The following E2F1 variants were observed in gnomAD, a reference collection of about 807,000 sequenced individuals.
The protein encoded by E2F1 is transcription factor E2F1.
In E2F1, 7 loss-of-function variants were observed where a neutral mutation model predicts 36.9. The ratio of observed to expected loss-of-function variants is 0.19; its 90% CI spans 0.11 to 0.36. The LOEUF is 0.36. Among genes scored for constraint, E2F1 ranks in the 10% least tolerant of loss-of-function variants. The pLI, the probability that E2F1 is intolerant of heterozygous loss-of-function variation, is 1.00. For missense variants in E2F1, 406 were observed against 573.6 expected (o/e 0.71, Z 2.99); for synonymous variants, 261 against 263.1 (o/e 0.99, Z 0.08).
Position 33,678,285 on chromosome 20 carries a change from T to C in E2F1, c.641A>G (p.Gln214Arg). The change falls in exon 4 of 7, where the codon CAG becomes CGG. Residue 214 changes from glutamine (Q) to arginine (R), a missense_variant. Physicochemically the swap from Gln to Arg is conservative, Grantham distance 43. Coordinates refer to ENST00000343380, the MANE Select transcript of E2F1 (RefSeq NM_005225.3). Reference sequence around the variant, plus strand: ...GTGGTCCAGCTGCTGCTCGCTCTCCTGCAGCTGTCGGAGGTCCTGGGTCAA... The same window carrying C: ...GTGGTCCAGCTGCTGCTCGCTCTCCCGCAGCTGTCGGAGGTCCTGGGTCAA... ...EGLTQDLRQL[Q>R]ESEQQLDHLM... The C allele has an allele frequency of 6.2e-7, 1 of 1,613,150 alleles. No homozygotes were observed. Among genetic ancestry groups the C allele is most frequent in the Non-Finnish European group, 8.5e-7 (1 of 1,180,004 alleles).
At chr20:33,680,455 G>C (rs765849030) in intron 1 of E2F1, 39 bp from the exon 2 acceptor site, 1 of 1,587,844 alleles carries the variant, frequency 6.3e-7, no homozygotes, top group Non-Finnish European at 8.6e-7. Context: ...AACCAGGAGT[G>C]AGGCCAGAAG....
In E2F1 at chr20:33,676,891, C is replaced by T; in HGVS notation, c.1155G>A (p.Glu385=). The change falls in exon 7 of 7, where the codon GAG becomes GAA. Residue 385 remains glutamate, a synonymous_variant. Transcript: ENST00000343380. The part of the protein sequence containing the change: ...SPLVAADSLL[E]HVREDFSGLL... ...GGCCGGAGAAGTCCTCCCGCACATGCTCCAGGAGCGAGTCGGCCGCCACCA... is the reference window on the plus strand; with the variant it reads ...GGCCGGAGAAGTCCTCCCGCACATGTTCCAGGAGCGAGTCGGCCGCCACCA... The T allele has an allele frequency of 6.4e-7, 1 of 1,573,996 alleles. No homozygotes were observed. Among genetic ancestry groups the T allele is most frequent in the Non-Finnish European group, 8.6e-7 (1 of 1,158,664 alleles).
rs3213173 is a variant in E2F1, at chr20:33,677,440, C to T, written c.826G>A (p.Val276Met). Residue 276 changes from valine to methionine, a missense_variant, in exon 5 of 7, where the codon GTG becomes ATG. By Grantham distance (21) the Val-to-Met change is conservative. Coordinates refer to ENST00000343380, the MANE Select transcript of E2F1 (RefSeq NM_005225.3). ...KAPPETQLQA[V>M]DSSENFQISL... Reference sequence around the variant, plus strand: ...CCAGATCTCACCTCCGAAGAGTCCACGGCTTGGAGCTGGGTCTCAGGAGGG... The same window carrying T: ...CCAGATCTCACCTCCGAAGAGTCCATGGCTTGGAGCTGGGTCTCAGGAGGG... 1,517 of 1,614,044 alleles carry T rather than the reference C, an allele frequency of 9.4e-4. 16 individuals are homozygous for T. In the African/African-American group the frequency reaches 0.018, roughly 19 times the overall value.
chr20:33,677,512 G>A lies in E2F1; in HGVS notation c.754C>T (p.Arg252Cys). The A allele has an allele frequency of 2.5e-6, 4 of 1,614,084 alleles. No homozygotes were observed. The highest frequency in any genetic ancestry group is 2.2e-5 in the East Asian group (1 of 44,874). Reference sequence around the variant, plus strand: ...TGCTCTGCAGGGTCTGCAATGCTACGAAGGTCCTGACACGTCACGTAGGCC... The same window carrying A: ...TGCTCTGCAGGGTCTGCAATGCTACAAAGGTCCTGACACGTCACGTAGGCC... ...RLAYVTCQDLRSIADPAEQMV... is the reference protein window; with the variant it reads ...RLAYVTCQDLCSIADPAEQMV... The change falls in exon 5 of 7, where the codon CGT becomes TGT. Residue 252 changes from arginine to cysteine, a missense_variant. Physicochemically the swap from Arg to Cys is radical, Grantham distance 180 (BLOSUM62 -3). This residue lies in a region of E2F1 where 93 missense variants were observed against 143.3 expected (regional missense o/e 0.65). Transcript: ENST00000343380.
intron 1 of E2F1, among the ~76,000 whole-genome samples, chr20:33,683,952 G>C (rs1380739935): frequency 6.6e-6 from 1 of 152,162 alleles, no homozygotes; most frequent in Admixed American, 6.5e-5. Context: ...TTATTTCAAG[G>C]ACTGTGCCAG....
At position 33,684,636 on chromosome 20, in the gene E2F1, TAAGTA is replaced by T. The variant is rs376439517; in HGVS notation, c.261+1363_261+1367del. 1.7e-3 allele frequency among the ~76,000 whole-genome samples: 263 copies of T among 152,258 alleles called. 3 individuals are homozygous for T. Among genetic ancestry groups the T allele is most frequent in the African/African-American group, 6.1e-3 (255 of 41,540 alleles). On this transcript the variant is annotated intron_variant, in intron 1 of 6. Transcript: ENST00000343380. ...TGCTGATGGGGTTAAATGAGTTAAT[TAAGTA>T]AAGCGCTTGGCACAGAGCCTGGCAC...
In E2F1 at chr20:33,680,312, A is replaced by G. The variant is rs781308163; in HGVS notation, c.352+14T>C. 1 of 1,613,786 alleles carries G rather than the reference A, an allele frequency of 6.2e-7. No individual in the cohort carries two copies. Among genetic ancestry groups the G allele is most frequent in the Non-Finnish European group, 8.5e-7 (1 of 1,179,716 alleles). Reference sequence around the variant, plus strand: ...GGTCACAGGGGGTCTGCCCAGCCCAAGCTCCATAGGTACCTTTTCCTGGAT... The same window carrying G: ...GGTCACAGGGGGTCTGCCCAGCCCAGGCTCCATAGGTACCTTTTCCTGGAT... On this transcript the variant is annotated intron_variant, in intron 2 of 6. Transcript: ENST00000343380.
At chr20:33,677,019 G>A (rs761517377) in intron 6 of E2F1, 40 bp from the exon 7 acceptor site, 3 of 1,559,198 alleles carry the variant, frequency 1.9e-6, no homozygotes. Flanking sequence ...GGATGCCCCA[G>A]CAGGGAGGAA....
chr20:33,677,580 G>C, intron 4 of E2F1, 40 bp from the exon 5 acceptor site: 1 of 1,517,770 alleles, frequency 6.6e-7, no homozygotes, highest in Admixed American at 1.7e-5. Flanking sequence ...TGACTTCTAG[G>C]GGGTCACTCA....
chr20:33,682,697 C>T (rs1030660881), intron 1 of E2F1, among the ~76,000 whole-genome samples: 2 of 152,170 alleles, frequency 1.3e-5, no homozygotes, highest in Non-Finnish European at 2.9e-5. Flanking sequence ...GGCCCCGAAA[C>T]GCAGGGGTGA....
At position 33,676,131 on chromosome 20, in the gene E2F1, C is replaced by G. The variant is rs2017949784; in HGVS notation, c.*601G>C. 6.5e-6 allele frequency: 1 copy of G among 152,802 alleles called. No homozygotes were observed. Among genetic ancestry groups the G allele is most frequent in the Admixed American group, 6.5e-5 (1 of 15,294 alleles). The allele number at this position is 152,802 out of a possible 1,614,324, so 9.5% of individuals were successfully genotyped here. ...AACCCCACACCCCTCCTCCCCTTTG[C>G]TGATTCCCCAGGCTCACCAAAGAGG... is the stretch of plus-strand genomic sequence containing the variant. On this transcript the variant is annotated 3_prime_UTR_variant, in exon 7 of 7. Transcript: ENST00000343380.
chr20:33,686,295 A>AGGC lies in E2F1; in HGVS notation c.-34_-32dup, dbSNP rs1250547418. On this transcript the variant is annotated 5_prime_UTR_variant, in exon 1 of 7. Coordinates refer to ENST00000343380, the MANE Select transcript of E2F1 (RefSeq NM_005225.3). ...TCACGGCCCGCGCGGCCCGGGTGAC[A>AGGC]GGCGGCGGCGGCGGCGCGGGCCCAT... 1.1e-5 allele frequency: 11 copies of AGGC among 997,762 alleles called. No homozygotes were observed. The highest frequency in any genetic ancestry group is 9.0e-5 in the South Asian group (2 of 22,102). 61.8% of individuals were successfully genotyped at this position (997,762 alleles called of 1,614,324 possible). A position where few individuals can be genotyped will look rare whatever the true frequency, so the allele number is the denominator to read the frequency against.
chr20:33,677,112 C>G lies in E2F1; in HGVS notation c.1059G>C (p.Leu353=), dbSNP rs2017971262. 3.1e-6 allele frequency: 5 copies of G among 1,612,478 alleles called. No individual in the cohort carries two copies. The highest frequency in any genetic ancestry group is 4.2e-6 in the Non-Finnish European group (5 of 1,178,982). ...TTDPSQSLLS[L]EQEPLLSRMG... ...CACCTACCCATCACCCACCTTGCTC[C>G]AGGCTGAGTAGAGACTGGCTGGGAT... The change falls in exon 6 of 7, where the codon CTG becomes CTC. Residue 353 remains leucine, a synonymous_variant. Transcript: ENST00000343380.
At chr20:33,684,372 G>A (rs1480295726) in intron 1 of E2F1, among the ~76,000 whole-genome samples, 1 of 152,186 alleles carries the variant, frequency 6.6e-6, no homozygotes, top group Non-Finnish European at 1.5e-5. Context: ...GAGTACAGGA[G>A]ACAGGCCACC....
chr20:33,683,413 T>C (rs529104352), intron 1 of E2F1, among the ~76,000 whole-genome samples: 1 of 141,974 alleles, frequency 7.0e-6, no homozygotes, highest in South Asian at 2.2e-4. Flanking sequence ...ATGGCGCCAC[T>C]GTACTCCAAC....
intron 1 of E2F1, 105 bp downstream of exon 1, chr20:33,685,899 C>T: frequency 9.9e-7 from 1 of 1,008,080 alleles, no homozygotes; most frequent in Non-Finnish European, 1.2e-6. Context: ...CCTCAGTCAA[C>T]CCCTCCCCCG....
Position 33,680,728 on chromosome 20 carries a change from GA to G in E2F1, c.262-313del, listed in dbSNP as rs777388938. On this transcript the variant is annotated intron_variant, in intron 1 of 6. Transcript: ENST00000343380. ...CCAGACCTGGTAACTTGCTTCTGGG[GA>G]TGAATGAATGGAATGTGGTGGAAGG... is the stretch of plus-strand genomic sequence containing the variant. 4.6e-4 allele frequency among the ~76,000 whole-genome samples: 70 copies of G among 152,342 alleles called. 1 individual carries two copies. Among genetic ancestry groups the G allele is most frequent in the Admixed American group, 1.4e-3 (21 of 15,302 alleles).
At chr20:33,685,205 C>T (rs1267384346) in intron 1 of E2F1, among the ~76,000 whole-genome samples, 2 of 152,194 alleles carry the variant, frequency 1.3e-5, no homozygotes, top group African/African-American at 4.8e-5. Flanking sequence ...TCTACAGAGA[C>T]TCAGGGGTCG....
rs764309535 is a variant in E2F1, at chr20:33,678,184, G to T, written c.725+17C>A. The T allele has an allele frequency of 1.2e-6, 2 of 1,606,296 alleles. No individual in the cohort carries two copies. The highest frequency in any genetic ancestry group is 2.2e-5 in the South Asian group (2 of 90,346). On this transcript the variant is annotated intron_variant, in intron 4 of 6. Coordinates refer to ENST00000343380, the MANE Select transcript of E2F1 (RefSeq NM_005225.3). ...GCTAAGCCTGCCTTCCACACCCTAC[G>T]GCCAATCCAAGGATATCGCTGGCTG...
Sources: allele counts gnomAD v4.1 joint callset (sites outside exome capture counted in the v4.1 genomes callset), GRCh38; gene constraint gnomAD v4.1.1; regional missense constraint gnomAD v4.1.1; transcripts MANE v1.5; gene names NCBI Gene and HGNC (gene_info 2026-07-23, HGNC 2026-07-21).